Variants in WDFY2 observed in about 807,000 individuals in gnomAD.
WDFY2 encodes WD repeat and FYVE domain containing 2.
In WDFY2, 36 loss-of-function variants were observed where a neutral mutation model predicts 56.4. The ratio of observed to expected loss-of-function variants is 0.64; its 90% CI spans 0.49 to 0.84. WDFY2 has a LOEUF of 0.84. Among genes scored for constraint, WDFY2 ranks in the 40% least tolerant of loss-of-function variants. The probability of loss-of-function intolerance (pLI) is 0.00; values close to 1 mark genes in which losing one functional copy is unlikely to be tolerated. For synonymous variants in WDFY2, 176 were observed against 183.7 expected (o/e 0.96, Z 0.34); for missense variants, 444 against 512.2 (o/e 0.87, Z 1.29).
At chr13:51,732,121 C>T (rs138231908) in intron 6 of WDFY2, among the ~76,000 whole-genome samples, 1 of 152,190 alleles carries the variant, frequency 6.6e-6, no homozygotes, top group East Asian at 1.9e-4. Flanking sequence ...GTAACTTGAA[C>T]AGAGGAGAAT....
chr13:51,730,220 C>T (rs1444042022), intron 6 of WDFY2, among the ~76,000 whole-genome samples: 1 of 152,214 alleles, frequency 6.6e-6, no homozygotes, highest in Non-Finnish European at 1.5e-5. Flanking sequence ...ATTTGCCTTC[C>T]AGCTCCCTGC....
intron 1 of WDFY2, among the ~76,000 whole-genome samples, chr13:51,601,800 C>T (rs1047604127): frequency 1.3e-5 from 2 of 152,174 alleles, no homozygotes; most frequent in African/African-American, 4.8e-5. Context: ...TACAATGCCA[C>T]CTCTCCATGA....
Position 51,635,472 on chromosome 13 carries a change from C to T in WDFY2, c.138-25124C>T, listed in dbSNP as rs187686041. The stretch of plus-strand genomic sequence containing the variant: ...CTAAATGCCTATAAGCCATTTTTTT[C>T]GGCTTCCTGTCTTCTGTTTTCTAAA... On this transcript the variant is annotated intron_variant, in intron 1 of 11. Coordinates refer to ENST00000298125, the MANE Select transcript of WDFY2 (RefSeq NM_052950.4). Among the ~76,000 whole-genome samples the T allele has an allele frequency of 3.4e-3, 521 of 152,266 alleles. 11 individuals are homozygous for T. Among genetic ancestry groups the T allele is most frequent in the Non-Finnish European group, 8.8e-4 (60 of 68,012 alleles).
At chr13:51,589,863 C>T (rs1038861533) in intron 1 of WDFY2, 1 of 152,166 alleles carries the variant, frequency 6.6e-6, no homozygotes, top group African/African-American at 2.4e-5. Context: ...AAAGAGGGAA[C>T]TTGTCCTGTA....
chr13:51,704,487 T>A (rs927022709), intron 4 of WDFY2, among the ~76,000 whole-genome samples: 5 of 152,186 alleles, frequency 3.3e-5, no homozygotes, highest in African/African-American at 1.2e-4. Flanking sequence ...ATTAAAACAT[T>A]GTGTGATAAG....
chr13:51,742,484 C>G (rs1430243425), intron 7 of WDFY2, among the ~76,000 whole-genome samples: 1 of 151,910 alleles, frequency 6.6e-6, no homozygotes, highest in Non-Finnish European at 1.5e-5. Flanking sequence ...TATTTGCAAG[C>G]ATCAGTTACT....
chr13:51,707,302 G>A (rs1217574951), intron 4 of WDFY2, among the ~76,000 whole-genome samples: 1 of 152,250 alleles, frequency 6.6e-6, no homozygotes, highest in Non-Finnish European at 1.5e-5. Flanking sequence ...GGGACTACAG[G>A]CGTATGCCAC....
chr13:51,629,129 C>T (rs1158170356), intron 1 of WDFY2, among the ~76,000 whole-genome samples: 2 of 152,292 alleles, frequency 1.3e-5, no homozygotes, highest in East Asian at 1.9e-4. Context: ...AAGTGATACT[C>T]CTCACATGGG....
intron 6 of WDFY2, among the ~76,000 whole-genome samples, chr13:51,737,838 A>G (rs946511165): frequency 1.3e-5 from 2 of 152,168 alleles, no homozygotes; most frequent in Non-Finnish European, 2.9e-5. Context: ...CTAACCACAT[A>G]TGCACTTGGG....
chr13:51,596,149 G>A (rs1363272185), intron 1 of WDFY2, among the ~76,000 whole-genome samples: 4 of 152,070 alleles, frequency 2.6e-5, no homozygotes, highest in East Asian at 1.9e-4. Context: ...ATTATATTTC[G>A]ATTTGGGGGA....
rs186613798 is a variant in WDFY2 at position 51,653,819 on chromosome 13, G to T, written c.138-6777G>T. Among the ~76,000 whole-genome samples, 171 of 152,280 alleles carry T rather than the reference G, an allele frequency of 1.1e-3. 1 individual carries two copies. In the South Asian group the frequency reaches 0.016, roughly 14 times the overall value. ...TGTGAGGTGTCAGTCTGCCCCTACT[G>T]GGGGGTGCCTCCCAGTTAGGCTACT... is the stretch of plus-strand genomic sequence containing the variant. On this transcript the variant is annotated intron_variant, in intron 1 of 11. Coordinates refer to ENST00000298125, the MANE Select transcript of WDFY2 (RefSeq NM_052950.4).
intron 8 of WDFY2, among the ~76,000 whole-genome samples, chr13:51,754,239 C>T (rs754816789): frequency 1.3e-5 from 2 of 152,126 alleles, no homozygotes; most frequent in South Asian, 2.1e-4. Flanking sequence ...GTACCATTCA[C>T]ATTTTACTTC....
At chr13:51,653,890 A>C (rs1350477244) in intron 1 of WDFY2, among the ~76,000 whole-genome samples, 2 of 152,238 alleles carry the variant, frequency 1.3e-5, no homozygotes, top group African/African-American at 2.4e-5. Flanking sequence ...CCGTTCTCAG[A>C]TCTCAAGCTG....
At chr13:51,756,901 C>G (rs981612764) in intron 10 of WDFY2, among the ~76,000 whole-genome samples, 1 of 152,198 alleles carries the variant, frequency 6.6e-6, no homozygotes, top group African/African-American at 2.4e-5. Context: ...CAAATATTCC[C>G]AGTTGCCCAG....
intron 6 of WDFY2, among the ~76,000 whole-genome samples, chr13:51,734,664 C>G (rs1566202651): frequency 6.6e-6 from 1 of 152,166 alleles, no homozygotes; most frequent in African/African-American, 2.4e-5. Flanking sequence ...TGCCTCTATC[C>G]ATTTCCAGAA....
intron 1 of WDFY2, among the ~76,000 whole-genome samples, chr13:51,617,076 C>G (rs1954633192): frequency 6.6e-6 from 1 of 152,172 alleles, no homozygotes; most frequent in Non-Finnish European, 1.5e-5. Flanking sequence ...TCTCCCCCAC[C>G]TCTCAAACAT....
intron 1 of WDFY2, among the ~76,000 whole-genome samples, chr13:51,594,391 A>G (rs567131914): frequency 9.2e-5 from 14 of 152,358 alleles, no homozygotes; most frequent in African/African-American, 3.1e-4. Flanking sequence ...GGAAGTATAA[A>G]TGGATTTTCC....
intron 1 of WDFY2, among the ~76,000 whole-genome samples, chr13:51,653,596 C>G (rs564851694): frequency 1.3e-5 from 2 of 152,264 alleles, no homozygotes; most frequent in South Asian, 4.2e-4. Context: ...CATGTCCTTT[C>G]TGTTTGTTAG....
chr13:51,632,306 G>T (rs1323733876), intron 1 of WDFY2, among the ~76,000 whole-genome samples: 2 of 151,802 alleles, frequency 1.3e-5, no homozygotes, highest in Non-Finnish European at 1.5e-5. Flanking sequence ...AGCTCTGAAT[G>T]AATAATTATA....
Sources: allele counts gnomAD v4.1 joint callset (sites outside exome capture counted in the v4.1 genomes callset), GRCh38; gene constraint gnomAD v4.1.1; transcripts MANE v1.5; gene names NCBI Gene and HGNC (gene_info 2026-07-23, HGNC 2026-07-21).